Variants in RBFOX1 observed in about 807,000 individuals in gnomAD.
RBFOX1 encodes RNA binding fox-1 homolog 1.
Under a neutral mutation model 57.7 loss-of-function variants are expected in RBFOX1, and 8 were observed. That is an observed-to-expected ratio of 0.14 (90% CI 0.08 to 0.25). The LOEUF (loss-of-function observed/expected upper bound fraction) is 0.25. Among genes scored for constraint, RBFOX1 ranks in the 10% least tolerant of loss-of-function variants. The pLI is 1.00. For synonymous variants in RBFOX1, 326 were observed against 222.4 expected, an observed-to-expected ratio of 1.47 and a Z score of -4.15; for missense variants, 611 against 548.5, an observed-to-expected ratio of 1.11 and a Z score of -1.14.
intron 1 of RBFOX1, among the ~76,000 whole-genome samples, chr16:6,234,204 A>C (rs912996673): frequency 1.3e-5 from 2 of 152,146 alleles, no homozygotes; most frequent in African/African-American, 4.8e-5. Context: ...TTCACCACGC[A>C]CTTGTTTAAC....
At chr16:6,674,048 C>T (rs1043826845) in intron 3 of RBFOX1, among the ~76,000 whole-genome samples, 15 of 151,966 alleles carry the variant, frequency 9.9e-5, no homozygotes, top group African/African-American at 3.4e-4. Flanking sequence ...TTAGGATTAC[C>T]CTAGGAAATA....
chr16:5,704,163 C>G (rs1394799006), intron 3 of RBFOX1, among the ~76,000 whole-genome samples: 2 of 152,128 alleles, frequency 1.3e-5, no homozygotes, highest in Non-Finnish European at 2.9e-5. Flanking sequence ...GGGGAGGTCC[C>G]AAATGCAGAG....
intron 3 of RBFOX1, among the ~76,000 whole-genome samples, chr16:6,909,147 C>T (rs118147334): frequency 4.6e-5 from 7 of 152,306 alleles, no homozygotes; most frequent in African/African-American, 7.2e-5. Flanking sequence ...TAAAATCAAA[C>T]GTCAACAGTG....
At chr16:6,193,425 T>TATATATAA (rs1243693521) in intron 1 of RBFOX1, among the ~76,000 whole-genome samples, 131 of 106,458 alleles carry the variant, frequency 1.2e-3, no homozygotes, top group South Asian at 9.4e-3. Context: ...TATATATATA[T>TATATATAA]AAAATTCAGT....
intron 3 of RBFOX1, among the ~76,000 whole-genome samples, chr16:6,727,767 G>A (rs1017987561): frequency 5.9e-5 from 9 of 152,080 alleles, no homozygotes; most frequent in Admixed American, 5.2e-4. Flanking sequence ...AGTAGCATCC[G>A]TCCAGTATTT....
At chr16:5,665,077 C>G (rs1372251663) in intron 3 of RBFOX1, among the ~76,000 whole-genome samples, 1 of 148,040 alleles carries the variant, frequency 6.8e-6, no homozygotes, top group East Asian at 2.0e-4. Context: ...TCCCGAGTAG[C>G]TGAGACCACA....
At chr16:6,838,686 C>A (rs2093279017) in intron 3 of RBFOX1, among the ~76,000 whole-genome samples, 1 of 152,126 alleles carries the variant, frequency 6.6e-6, no homozygotes, top group Non-Finnish European at 1.5e-5. Context: ...GATAACCTTC[C>A]CATGCTAATC....
intron 4 of RBFOX1, among the ~76,000 whole-genome samples, chr16:7,413,593 CT>C (rs767714596): frequency 5.9e-5 from 9 of 151,952 alleles, no homozygotes; most frequent in Non-Finnish European, 1.3e-4. Flanking sequence ...TGCCACCCCC[CT>C]GCCCCCTGCC....
intron 2 of RBFOX1, among the ~76,000 whole-genome samples, chr16:6,345,611 C>A (rs2085260619): frequency 1.3e-5 from 2 of 152,210 alleles, no homozygotes; most frequent in South Asian, 4.1e-4. Context: ...TCGGTCCCAG[C>A]TACATGGCAG....
chr16:6,816,670 G>A (rs996559878), intron 3 of RBFOX1, among the ~76,000 whole-genome samples: 29 of 151,120 alleles, frequency 1.9e-4, no homozygotes, highest in African/African-American at 7.1e-4. Context: ...AACCCGGGAG[G>A]TGGAGCTTGC....
chr16:7,000,181 A>G (rs2092659746), intron 3 of RBFOX1, among the ~76,000 whole-genome samples: 1 of 152,116 alleles, frequency 6.6e-6, no homozygotes, highest in African/African-American at 2.4e-5. Flanking sequence ...AAAAAAAAGT[A>G]CTGTCATTAG....
At chr16:5,346,474 T>C (rs1367601808) in intron 1 of RBFOX1, among the ~76,000 whole-genome samples, 1 of 152,102 alleles carries the variant, frequency 6.6e-6, no homozygotes, top group African/African-American at 2.4e-5. Context: ...ACAGGATGGA[T>C]GAGAAGGAGA....
At chr16:6,515,891 G>C (rs1329567393) in intron 2 of RBFOX1, among the ~76,000 whole-genome samples, 1 of 152,072 alleles carries the variant, frequency 6.6e-6, no homozygotes, top group Non-Finnish European at 1.5e-5. Flanking sequence ...TGTCAGCTTT[G>C]CATAATTTTC....
intron 3 of RBFOX1, among the ~76,000 whole-genome samples, chr16:5,714,572 C>T (rs1406960035): frequency 6.6e-6 from 1 of 152,202 alleles, no homozygotes; most frequent in Non-Finnish European, 1.5e-5. Flanking sequence ...AATCGAATGT[C>T]ACTGAGGTTG....
chr16:7,219,431 G>A (rs1245882787), intron 4 of RBFOX1, among the ~76,000 whole-genome samples: 3 of 152,114 alleles, frequency 2.0e-5, no homozygotes, highest in African/African-American at 7.2e-5. Context: ...TGAAAGTTTG[G>A]GGGGAAAGAG....
chr16:5,293,466 C>T (rs1381226776), intron 1 of RBFOX1, among the ~76,000 whole-genome samples: 1 of 152,142 alleles, frequency 6.6e-6, no homozygotes, highest in African/African-American at 2.4e-5. Context: ...CAGTGGGTCT[C>T]AACCTTGGCT....
chr16:5,614,565 T>C (rs1265231191), intron 3 of RBFOX1, among the ~76,000 whole-genome samples: 1 of 152,220 alleles, frequency 6.6e-6, no homozygotes, highest in African/African-American at 2.4e-5. Context: ...TTGTGCTTCA[T>C]TGATTTCTTT....
chr16:6,142,189 CAAAAAAAAAAAAAA>C (rs71142685), intron 1 of RBFOX1, among the ~76,000 whole-genome samples: 75 of 49,096 alleles, frequency 1.5e-3, no homozygotes, highest in African/African-American at 6.6e-3. Flanking sequence ...GCTGCTGCTG[CAAAAAAAAAAAAAA>C]AAAAAAAAAA....
chr16:5,869,560 C>T (rs145691831), intron 4 of RBFOX1, among the ~76,000 whole-genome samples: 11,857 of 152,078 alleles, frequency 0.078, 554 homozygotes, highest in African/African-American at 0.12. Flanking sequence ...TGCCACCATG[C>T]CTAGCTAGTT....
Sources: gnomAD v4.1 joint callset for allele counts (sites outside exome capture counted in the v4.1 genomes callset) on GRCh38, gnomAD v4.1.1 for gene constraint, MANE v1.5 for transcripts, NCBI Gene and HGNC (gene_info 2026-07-23, HGNC 2026-07-21) for gene names.